The following PRKG1 variants were observed in gnomAD, a reference collection of about 807,000 sequenced individuals.
The protein encoded by PRKG1 is protein kinase cGMP-dependent 1, also known as cGMP-dependent protein kinase 1.
In PRKG1, 35 loss-of-function variants were observed where a neutral mutation model predicts 88.1. The observed-to-expected ratio is 0.40, with a 90% confidence interval of 0.30 to 0.53. PRKG1 has a LOEUF of 0.53. Among genes scored for constraint, PRKG1 ranks in the 20% least tolerant of loss-of-function variants. The pLI, the probability that PRKG1 is intolerant of heterozygous loss-of-function variation, is 0.59. For missense variants in PRKG1, 540 were observed against 839.8 expected, an observed-to-expected ratio of 0.64 and a Z score of 4.41; for synonymous variants, 303 against 292.5, an observed-to-expected ratio of 1.04 and a Z score of -0.37.
chr10:51,357,548 T>C (rs1842393258), intron 2 of PRKG1, among the ~76,000 whole-genome samples: 1 of 151,964 alleles, frequency 6.6e-6, no homozygotes, highest in Admixed American at 6.6e-5. Context: ...CTTATTGATT[T>C]TCATCTGTAA....
At chr10:52,059,350 CA>C (rs758167152) in intron 6 of PRKG1, among the ~76,000 whole-genome samples, 2 of 151,854 alleles carry the variant, frequency 1.3e-5, no homozygotes. Flanking sequence ...ATAGCTCACA[CA>C]AAAAACTCTG....
At chr10:51,923,755 C>T (rs915125731) in intron 5 of PRKG1, among the ~76,000 whole-genome samples, 5 of 151,600 alleles carry the variant, frequency 3.3e-5, no homozygotes, top group South Asian at 2.1e-4. Flanking sequence ...TTATTTTGAA[C>T]CAGTTGTTAC....
chr10:52,147,393 A>G lies in PRKG1; in HGVS notation c.1001+13488A>G, dbSNP rs1039295195. On this transcript the variant is annotated intron_variant, in intron 8 of 17. Transcript: ENST00000373980. ...AAATATGATGTTTTTGTTTTAATAC[A>G]CTCATGTCAGCTAATCCCCACAATA... Among the ~76,000 whole-genome samples, 4 of 152,302 alleles carry G rather than the reference A, an allele frequency of 2.6e-5. No individual in the cohort carries two copies. The South Asian group carries it at 8.3e-4, about 32-fold the overall frequency.
At chr10:51,804,268 A>G (rs1436429813) in intron 3 of PRKG1, among the ~76,000 whole-genome samples, 2 of 152,120 alleles carry the variant, frequency 1.3e-5, no homozygotes, top group African/African-American at 4.8e-5. Context: ...TTCTTCATAT[A>G]TAGCCTTGAT....
At chr10:51,732,973 T>C (rs2132474107) in intron 3 of PRKG1, among the ~76,000 whole-genome samples, 1 of 152,190 alleles carries the variant, frequency 6.6e-6, no homozygotes, top group East Asian at 1.9e-4. Flanking sequence ...TGAGGATCTC[T>C]TTCTGGTTTG....
intron 9 of PRKG1, among the ~76,000 whole-genome samples, chr10:52,197,040 G>T (rs748570246): frequency 6.6e-6 from 1 of 152,074 alleles, no homozygotes; most frequent in African/African-American, 2.4e-5. Context: ...CTTTGTGCAG[G>T]TTCACTACAA....
chr10:51,321,729 T>C (rs1258723063), intron 2 of PRKG1, among the ~76,000 whole-genome samples: 2 of 152,136 alleles, frequency 1.3e-5, no homozygotes, highest in Non-Finnish European at 2.9e-5. Context: ...ATTAATGTAA[T>C]TGTTCATTTT....
chr10:51,677,851 A>G, intron 3 of PRKG1, among the ~76,000 whole-genome samples: 1 of 152,124 alleles, frequency 6.6e-6, no homozygotes, highest in East Asian at 1.9e-4. Flanking sequence ...TCAGAAGGAG[A>G]GGGAATTGGG....
intron 2 of PRKG1, among the ~76,000 whole-genome samples, chr10:51,394,526 G>T (rs1234010068): frequency 3.3e-5 from 5 of 152,180 alleles, no homozygotes; most frequent in African/African-American, 1.2e-4. Flanking sequence ...ATTTTAAGAG[G>T]CAGGAGGGGA....
intron 3 of PRKG1, among the ~76,000 whole-genome samples, chr10:51,579,588 A>G (rs1363696391): frequency 1.3e-5 from 2 of 152,178 alleles, no homozygotes; most frequent in Non-Finnish European, 2.9e-5. Context: ...TTTTATTTGG[A>G]ATACAAAGTC....
chr10:51,185,545 T>G (rs1416902215), intron 2 of PRKG1, among the ~76,000 whole-genome samples: 1 of 152,046 alleles, frequency 6.6e-6, no homozygotes, highest in Non-Finnish European at 1.5e-5. Flanking sequence ...CTTAAAATAT[T>G]TTAAAATTCC....
intron 4 of PRKG1, among the ~76,000 whole-genome samples, chr10:51,822,811 T>G (rs1261331141): frequency 6.6e-6 from 1 of 152,140 alleles, no homozygotes; most frequent in African/African-American, 2.4e-5. Context: ...GGGGACAACT[T>G]TAAGATGTAT....
At chr10:51,255,823 C>T (rs16915935) in intron 2 of PRKG1, among the ~76,000 whole-genome samples, 5,765 of 152,130 alleles carry the variant, frequency 0.038, 357 homozygotes, top group African/African-American at 0.13. Context: ...TCCTGAGTCA[C>T]ATGATGGTGA....
chr10:51,276,883 C>T (rs2132190317), intron 2 of PRKG1, among the ~76,000 whole-genome samples: 1 of 152,124 alleles, frequency 6.6e-6, no homozygotes, highest in African/African-American at 2.4e-5. Flanking sequence ...ATGAGCAGAT[C>T]ACAAAAATTT....
chr10:51,384,312 A>G (rs930046980), intron 2 of PRKG1, among the ~76,000 whole-genome samples: 2 of 152,154 alleles, frequency 1.3e-5, no homozygotes, highest in African/African-American at 4.8e-5. Flanking sequence ...ATGTTATAAA[A>G]TTATATTTAT....
chr10:51,008,650 A>G (rs907055331), intron 1 of PRKG1, among the ~76,000 whole-genome samples: 3 of 152,118 alleles, frequency 2.0e-5, no homozygotes, highest in Non-Finnish European at 4.4e-5. Context: ...GCCCACCCTA[A>G]TCCAATATGA....
At chr10:51,958,866 C>T (rs769692780) in intron 5 of PRKG1, among the ~76,000 whole-genome samples, 1 of 152,018 alleles carries the variant, frequency 6.6e-6, no homozygotes, top group Non-Finnish European at 1.5e-5. Context: ...AGGTAGAAGG[C>T]ATTACCTGGG....
chr10:51,659,252 A>G (rs923115561), intron 3 of PRKG1, among the ~76,000 whole-genome samples: 3 of 152,082 alleles, frequency 2.0e-5, no homozygotes, highest in African/African-American at 7.2e-5. Context: ...TAAAATGACA[A>G]TGTTCCCTAA....
At chr10:51,654,507 T>C (rs1840115504) in intron 3 of PRKG1, among the ~76,000 whole-genome samples, 2 of 152,222 alleles carry the variant, frequency 1.3e-5, no homozygotes, top group South Asian at 2.1e-4. Flanking sequence ...TGGTTATTCA[T>C]GGTCTTCTAT....
Sources: gnomAD v4.1 joint callset for allele counts (sites outside exome capture counted in the v4.1 genomes callset) on GRCh38, gnomAD v4.1.1 for gene constraint, MANE v1.5 for transcripts, NCBI Gene and HGNC (gene_info 2026-07-23, HGNC 2026-07-21) for gene names.